Variants in SMAD2 observed in about 807,000 individuals in gnomAD.
SMAD2 encodes MAD homolog 2.
In SMAD2, 8 loss-of-function variants were observed where a neutral mutation model predicts 64.4. The ratio of observed to expected loss-of-function variants is 0.12; its 90% CI spans 0.07 to 0.22. SMAD2 has a LOEUF of 0.22. Ranked by LOEUF, SMAD2 falls within the 10% of genes least tolerant of loss-of-function variation. The pLI is 1.00. For missense variants in SMAD2, 289 were observed against 561.2 expected (o/e 0.51, Z 4.90); for synonymous variants, 203 against 195.8 (o/e 1.04, Z -0.31).
chr18:47,819,085 T>A lies in SMAD2; in HGVS notation c.*22742A>T, dbSNP rs1272645080. Reference sequence around the variant, plus strand: ...CCCTTAAGGAATTCTATTCATCAAATAAATGAGTGCTAATACAAAATATAT... The same window carrying A: ...CCCTTAAGGAATTCTATTCATCAAAAAAATGAGTGCTAATACAAAATATAT... On this transcript the variant is annotated 3_prime_UTR_variant, in exon 11 of 11. Coordinates refer to ENST00000262160, the MANE Select transcript of SMAD2 (RefSeq NM_005901.6). The A allele has an allele frequency of 6.6e-6, 1 of 152,244 alleles. No homozygotes were observed. The allele number at this position is 152,244 out of a possible 1,614,324, so 9.4% of individuals were successfully genotyped here.
intron 2 of SMAD2, among the ~76,000 whole-genome samples, chr18:47,873,440 C>T (rs2032067526): frequency 6.6e-6 from 1 of 152,012 alleles, no homozygotes; most frequent in Admixed American, 6.5e-5. Context: ...TTTAAAAATC[C>T]AGGTATTAGT....
At chr18:47,846,147 T>C (rs2144292296) in intron 8 of SMAD2, among the ~76,000 whole-genome samples, 1 of 152,290 alleles carries the variant, frequency 6.6e-6, no homozygotes, top group African/African-American at 2.4e-5. Flanking sequence ...TGGAGAAATA[T>C]ATCTTCATTA....
chr18:47,897,386 CAT>C (rs1491407865), intron 1 of SMAD2, among the ~76,000 whole-genome samples: 77,433 of 128,114 alleles, frequency 0.6, 20,491 homozygotes, highest in East Asian at 0.84. Context: ...TTTTTTAACA[CAT>C]GTTTTTTTCA....
chr18:47,887,465 A>G (rs2032972087), intron 2 of SMAD2, among the ~76,000 whole-genome samples: 1 of 151,574 alleles, frequency 6.6e-6, no homozygotes, highest in South Asian at 2.1e-4. Flanking sequence ...GGAGGTTGGA[A>G]GTCCAAATGC....
rs1913035060 is a variant in SMAD2, at chr18:47,832,479, A to G, written c.*9348T>C. The stretch of plus-strand genomic sequence containing the variant: ...TATTCAATGCCACGTAAAATAGTGT[A>G]TTTTAGCATTTGAGGTCCCTTTTTG... On this transcript the variant is annotated 3_prime_UTR_variant, in exon 11 of 11. Coordinates refer to ENST00000262160, the MANE Select transcript of SMAD2 (RefSeq NM_005901.6). 6.6e-6 allele frequency: 1 copy of G among 152,326 alleles called. No individual in the cohort carries two copies. Among genetic ancestry groups the G allele is most frequent in the African/African-American group, 2.4e-5 (1 of 41,576 alleles). The allele number at this position is 152,326 out of a possible 1,614,324, so 9.4% of individuals were successfully genotyped here. A position where few individuals can be genotyped will look rare whatever the true frequency, so the allele number is the denominator to read the frequency against.
chr18:47,878,469 ATAAT>A (rs2032394262), intron 2 of SMAD2: 1 of 152,174 alleles, frequency 6.6e-6, no homozygotes. Flanking sequence ...TCTCTACAAA[ATAAT>A]TAAAAAATTA....
At chr18:47,914,518 T>G (rs913718976) in intron 1 of SMAD2, among the ~76,000 whole-genome samples, 1 of 152,210 alleles carries the variant, frequency 6.6e-6, no homozygotes, top group African/African-American at 2.4e-5. Flanking sequence ...GATGCTTTAG[T>G]TTACTTTTCA....
intron 6 of SMAD2, among the ~76,000 whole-genome samples, chr18:47,856,554 T>G (rs1267837243): frequency 6.6e-6 from 1 of 152,190 alleles, no homozygotes; most frequent in Non-Finnish European, 1.5e-5. Flanking sequence ...TTCTTCAACC[T>G]TAACCCAAAT....
In SMAD2 at chr18:47,927,956, G is replaced by C. The variant is rs138105142; in HGVS notation, c.-54+2405C>G. 1.3e-4 allele frequency among the ~76,000 whole-genome samples: 20 copies of C among 152,280 alleles called. 1 individual carries two copies. The South Asian group carries it at 3.3e-3, about 25-fold the overall frequency. ...AATCTCTCATAACCTCTCTTAACTGGTTGTGAATTCCTTACGTTTCACATT... is the reference window on the plus strand; with the variant it reads ...AATCTCTCATAACCTCTCTTAACTGCTTGTGAATTCCTTACGTTTCACATT... On this transcript the variant is annotated intron_variant, in intron 1 of 10. Transcript: ENST00000262160.
chr18:47,927,417 T>G (rs1276656133), intron 1 of SMAD2, among the ~76,000 whole-genome samples: 10 of 152,186 alleles, frequency 6.6e-5, no homozygotes, highest in Non-Finnish European at 1.5e-4. Context: ...TGCCCTTGAT[T>G]TGTACACTAA....
intron 10 of SMAD2, among the ~76,000 whole-genome samples, chr18:47,844,229 T>C (rs1385181545): frequency 2.0e-5 from 3 of 152,186 alleles, no homozygotes; most frequent in Non-Finnish European, 4.4e-5. Flanking sequence ...ATTCAACAAG[T>C]AGACCTCACA....
chr18:47,843,585 T>G lies in SMAD2; in HGVS notation c.1281-1635A>C, dbSNP rs190136834. 9.6e-3 allele frequency among the ~76,000 whole-genome samples: 1,458 copies of G among 152,308 alleles called. 12 individuals are homozygous for G. Among genetic ancestry groups the G allele is most frequent in the Non-Finnish European group, 0.015 (1,020 of 68,008 alleles). On this transcript the variant is annotated intron_variant, in intron 10 of 10. Coordinates refer to ENST00000262160, the MANE Select transcript of SMAD2 (RefSeq NM_005901.6). Reference sequence around the variant, plus strand: ...AAAAATAGTTTTAGAAACCTAAACATTAGGTCTATTTCCTCAGCTCCAGAA... The same window carrying G: ...AAAAATAGTTTTAGAAACCTAAACAGTAGGTCTATTTCCTCAGCTCCAGAA...
At chr18:47,878,122 T>C (rs899867289) in intron 2 of SMAD2, among the ~76,000 whole-genome samples, 2 of 152,178 alleles carry the variant, frequency 1.3e-5, no homozygotes, top group Non-Finnish European at 2.9e-5. Context: ...ACAGAGCATG[T>C]CTACATTCCA....
At chr18:47,885,196 C>A (rs201750653) in intron 2 of SMAD2, among the ~76,000 whole-genome samples, 1 of 151,438 alleles carries the variant, frequency 6.6e-6, no homozygotes, top group Non-Finnish European at 1.5e-5. Flanking sequence ...TACCCTCCCC[C>A]CCCAAGACAG....
At chr18:47,854,488 A>T (rs1329458034) in intron 6 of SMAD2, among the ~76,000 whole-genome samples, 1 of 152,156 alleles carries the variant, frequency 6.6e-6, no homozygotes, top group Non-Finnish European at 1.5e-5. Context: ...GTTTAAAAGG[A>T]GCAATTTTTT....
At chr18:47,875,460 G>GA (rs2032211208) in intron 2 of SMAD2, among the ~76,000 whole-genome samples, 1 of 152,116 alleles carries the variant, frequency 6.6e-6, no homozygotes, top group Non-Finnish European at 1.5e-5. Flanking sequence ...TAACACTGGG[G>GA]AAAAACTGTA....
chr18:47,911,244 G>C (rs527826420), intron 1 of SMAD2, among the ~76,000 whole-genome samples: 2 of 151,798 alleles, frequency 1.3e-5, no homozygotes, highest in Non-Finnish European at 2.9e-5. Flanking sequence ...CCAACTACTC[G>C]TGAGGCTGAG....
chr18:47,892,394 T>G (rs1392833106), intron 2 of SMAD2, among the ~76,000 whole-genome samples: 1 of 152,110 alleles, frequency 6.6e-6, no homozygotes, highest in Non-Finnish European at 1.5e-5. Context: ...GAGACCGGGT[T>G]TCACTATGTT....
At chr18:47,869,986 G>A (rs2031834675) in intron 3 of SMAD2, among the ~76,000 whole-genome samples, 1 of 151,792 alleles carries the variant, frequency 6.6e-6, no homozygotes, top group South Asian at 2.1e-4. Flanking sequence ...ATGATGAGAT[G>A]AAATGAACAA....
Sources: gnomAD v4.1 joint callset for allele counts (sites outside exome capture counted in the v4.1 genomes callset) on GRCh38, gnomAD v4.1.1 for gene constraint, MANE v1.5 for transcripts, NCBI Gene and HGNC (gene_info 2026-07-23, HGNC 2026-07-21) for gene names.